PARD3: variants seen among roughly 807,000 people sequenced by gnomAD.
PARD3 encodes the protein partitioning defective 3 homolog.
Under a neutral mutation model 155.4 loss-of-function variants are expected in PARD3, and 75 were observed. That is an observed-to-expected ratio of 0.48 (90% CI 0.40 to 0.58). The LOEUF (loss-of-function observed/expected upper bound fraction) is 0.58. Ranked by LOEUF, PARD3 falls within the 20% of genes least tolerant of loss-of-function variation. PARD3 has a pLI of 0.00. For missense variants in PARD3, 1,642 were observed against 1,721.7 expected (o/e 0.95, Z 0.82); for synonymous variants, 576 against 610.5 (o/e 0.94, Z 0.83).
intron 2 of PARD3, among the ~76,000 whole-genome samples, chr10:34,597,276 C>CT (rs932847641): frequency 1.3e-4 from 20 of 151,206 alleles, no homozygotes; most frequent in East Asian, 7.8e-4. Context: ...AATTTTAGCG[C>CT]TTTTTTTTGT....
intron 1 of PARD3, among the ~76,000 whole-genome samples, chr10:34,798,050 T>C (rs12260340): frequency 0.012 from 1,755 of 152,190 alleles, 28 homozygotes; most frequent in African/African-American, 0.04. Context: ...CTGGATATGG[T>C]AGCTCACCCC....
intron 2 of PARD3, among the ~76,000 whole-genome samples, chr10:34,597,936 T>TA: frequency 6.6e-6 from 1 of 152,312 alleles, no homozygotes; most frequent in South Asian, 2.1e-4. Context: ...TACTATTTGT[T>TA]AAGATTCTGA....
intron 1 of PARD3, among the ~76,000 whole-genome samples, chr10:34,732,747 A>G (rs187691462): frequency 6.6e-6 from 1 of 152,332 alleles, no homozygotes; most frequent in Admixed American, 6.5e-5. Flanking sequence ...AAATAGGTAA[A>G]TGAGTTAAAA....
intron 1 of PARD3, among the ~76,000 whole-genome samples, chr10:34,715,736 C>T (rs1208130812): frequency 6.6e-6 from 1 of 152,196 alleles, no homozygotes; most frequent in Non-Finnish European, 1.5e-5. Flanking sequence ...ATTCACGAAG[C>T]ATCTACCATG....
chr10:34,466,355 A>G (rs1444684603), intron 4 of PARD3, among the ~76,000 whole-genome samples: 1 of 152,108 alleles, frequency 6.6e-6, no homozygotes, highest in Non-Finnish European at 1.5e-5. Flanking sequence ...TTCAACAAGG[A>G]AGACTCCACC....
intron 5 of PARD3, among the ~76,000 whole-genome samples, chr10:34,434,394 C>T (rs2076091017): frequency 6.6e-6 from 1 of 152,198 alleles, no homozygotes; most frequent in South Asian, 2.1e-4. Flanking sequence ...CCTCACAATC[C>T]TCTGAAATAT....
chr10:34,583,955 C>A (rs2087749742), intron 2 of PARD3, among the ~76,000 whole-genome samples: 1 of 151,912 alleles, frequency 6.6e-6, no homozygotes, highest in Non-Finnish European at 1.5e-5. Flanking sequence ...ATGATGCTAC[C>A]AATTCTAGAT....
intron 20 of PARD3, among the ~76,000 whole-genome samples, chr10:34,303,068 TTAA>T (rs1328521534): frequency 0.045 from 2,148 of 47,434 alleles, 20 homozygotes; most frequent in Non-Finnish European, 0.048. Context: ...AAACCAAGTT[TTAA>T]AAAAAAAAAA....
At chr10:34,807,647 T>C (rs11009950) in intron 1 of PARD3, among the ~76,000 whole-genome samples, 2,267 of 151,908 alleles carry the variant, frequency 0.015, 41 homozygotes, top group African/African-American at 0.052. Flanking sequence ...TGTACAGGTT[T>C]TGTGTACACA....
At chr10:34,731,095 C>G (rs78623726) in intron 1 of PARD3, among the ~76,000 whole-genome samples, 2 of 147,096 alleles carry the variant, frequency 1.4e-5, no homozygotes, top group African/African-American at 5.0e-5. Flanking sequence ...TCATTATAAT[C>G]ATCTGTTGAA....
At chr10:34,439,392 C>G (rs151059998) in intron 5 of PARD3, among the ~76,000 whole-genome samples, 1 of 147,952 alleles carries the variant, frequency 6.8e-6, no homozygotes, top group East Asian at 2.0e-4. Flanking sequence ...CAGTAACTTG[C>G]AGAAAAAAAA....
intron 1 of PARD3, among the ~76,000 whole-genome samples, chr10:34,713,193 CAG>C (rs2094472151): frequency 6.6e-6 from 1 of 151,146 alleles, no homozygotes; most frequent in Non-Finnish European, 1.5e-5. Flanking sequence ...GCCTAGGTGA[CAG>C]AGTGAGACTC....
At chr10:34,249,613 A>G (rs1183834978) in intron 22 of PARD3, among the ~76,000 whole-genome samples, 1 of 152,214 alleles carries the variant, frequency 6.6e-6, no homozygotes, top group Non-Finnish European at 1.5e-5. Context: ...CTAAGATATA[A>G]CTGTGTTTAA....
At chr10:34,520,846 C>A (rs2133684950) in intron 2 of PARD3, among the ~76,000 whole-genome samples, 1 of 152,178 alleles carries the variant, frequency 6.6e-6, no homozygotes, top group East Asian at 1.9e-4. Flanking sequence ...GTCAAGGTAC[C>A]TTTGTAGCCT....
At chr10:34,395,063 C>A (rs940778728) in intron 7 of PARD3, among the ~76,000 whole-genome samples, 3 of 152,048 alleles carry the variant, frequency 2.0e-5, no homozygotes, top group African/African-American at 7.2e-5. Context: ...GAGACAGAGT[C>A]TCACTCTGTC....
intron 3 of PARD3, among the ~76,000 whole-genome samples, chr10:34,473,406 G>A (rs2078490299): frequency 6.6e-6 from 1 of 152,086 alleles, no homozygotes; most frequent in Admixed American, 6.6e-5. Flanking sequence ...AGTCAACGAG[G>A]CCAGGTGCAA....
intron 22 of PARD3, among the ~76,000 whole-genome samples, chr10:34,144,021 GTTAA>G (rs1230233932): frequency 6.6e-6 from 1 of 151,874 alleles, no homozygotes; most frequent in Non-Finnish European, 1.5e-5. Flanking sequence ...ACATAGAAAT[GTTAA>G]TTAATTTAAC....
chr10:34,510,028 A>G (rs2081310811), intron 3 of PARD3, among the ~76,000 whole-genome samples: 1 of 152,238 alleles, frequency 6.6e-6, no homozygotes, highest in Non-Finnish European at 1.5e-5. Flanking sequence ...ATCTATAAAA[A>G]TAATTTCTGA....
chr10:34,675,866 C>T (rs532480761), intron 2 of PARD3: 34 of 200,996 alleles, frequency 1.7e-4, no homozygotes, highest in African/African-American at 6.0e-4. Flanking sequence ...CACACACACG[C>T]GCTCATCACA....
Sources: gnomAD v4.1 joint callset for allele counts (sites outside exome capture counted in the v4.1 genomes callset) on GRCh38, gnomAD v4.1.1 for gene constraint, MANE v1.5 for transcripts, NCBI Gene and HGNC (gene_info 2026-07-23, HGNC 2026-07-21) for gene names.